ACSF2: variants seen among roughly 807,000 people sequenced by gnomAD.
ACSF2 encodes the protein medium-chain acyl-CoA ligase ACSF2, mitochondrial.
A neutral mutation model predicts 79.3 loss-of-function variants in ACSF2; 52 were observed. The ratio of observed to expected loss-of-function variants is 0.66; its 90% CI spans 0.53 to 0.83. The LOEUF is 0.83. ACSF2 is among the 40% of genes least tolerant of loss of function. ACSF2 has a pLI of 0.00. For missense variants in ACSF2, 661 were observed against 803.3 expected (o/e 0.82, Z 2.14); for synonymous variants, 283 against 312.6 (o/e 0.91, Z 1.00).
intron 1 of ACSF2, among the ~76,000 whole-genome samples, chr17:50,433,130 C>T (rs1347228161): frequency 2.8e-5 from 4 of 142,910 alleles, no homozygotes; most frequent in Non-Finnish European, 4.5e-5. Context: ...TTTTTTGAGA[C>T]GGAGTCTCGC....
intron 1 of ACSF2, among the ~76,000 whole-genome samples, chr17:50,451,277 C>T: frequency 6.6e-6 from 1 of 152,006 alleles, no homozygotes; most frequent in Non-Finnish European, 1.5e-5. Context: ...TTCTTTTGGG[C>T]ATATATTATA....
In ACSF2 at chr17:50,468,580, C is replaced by T. The variant is rs1255867388; in HGVS notation, c.1216-2448C>T. 4.3e-6 allele frequency: 7 copies of T among 1,614,092 alleles called. No homozygotes were observed. In the African/African-American group the frequency reaches 6.7e-5, roughly 15 times the overall value. On this transcript the variant is annotated intron_variant, in intron 10 of 15. Coordinates refer to ENST00000300441, the MANE Select transcript of ACSF2 (RefSeq NM_025149.6). ...TCTGGCAGTGCTGCAGGTGCAATGA[C>T]ACGAGGTTCGGCATGGCCCGGAACG...
rs1024753257 is a variant in ACSF2 at position 50,474,282 on chromosome 17, G to T, written c.1797+15G>T. On this transcript the variant is annotated intron_variant, in intron 15 of 15. Transcript: ENST00000300441. The surrounding 1 kb of genome is among the most constrained non-coding windows in gnomAD (Gnocchi z 4.2). ...TTTCAGGAAAGGTGTGTAAGGTGGA[G>T]GAGGCTGGGGAGGGCAGCCTGGGCT... 1.2e-6 allele frequency: 2 copies of T among 1,614,000 alleles called. No homozygotes were observed. Among genetic ancestry groups the T allele is most frequent in the East Asian group, 4.5e-5 (2 of 44,902 alleles).
intron 1 of ACSF2, among the ~76,000 whole-genome samples, chr17:50,446,214 A>G (rs957329338): frequency 1.3e-5 from 2 of 152,134 alleles, no homozygotes; most frequent in African/African-American, 2.4e-5. Context: ...TTAGTTTATT[A>G]ATTATGACTA....
chr17:50,467,732 G>A (rs926541769), intron 10 of ACSF2: 14 of 299,974 alleles, frequency 4.7e-5, no homozygotes, highest in African/African-American at 3.0e-4. Context: ...AGAGGTGGCT[G>A]CTGCTCACAG....
intron 1 of ACSF2, among the ~76,000 whole-genome samples, chr17:50,453,460 A>G (rs7220508): frequency 0.066 from 10,077 of 151,990 alleles, 1,170 homozygotes; most frequent in African/African-American, 0.23. Context: ...CACCCACCTC[A>G]GCCTCCCAAA....
chr17:50,437,760 C>G (rs1327948810), intron 1 of ACSF2, among the ~76,000 whole-genome samples: 2 of 152,142 alleles, frequency 1.3e-5, no homozygotes, highest in African/African-American at 4.8e-5. Flanking sequence ...ATTGTAGACA[C>G]CCTTAGTAGG....
chr17:50,465,548 T>A, intron 10 of ACSF2: 2 of 1,485,124 alleles, frequency 1.3e-6, no homozygotes, highest in Non-Finnish European at 1.8e-6. Flanking sequence ...AGTCTGAAGC[T>A]GTCATCTTCA....
At chr17:50,428,655 G>A (rs1484052196) in intron 1 of ACSF2, among the ~76,000 whole-genome samples, 1 of 152,020 alleles carries the variant, frequency 6.6e-6, no homozygotes, top group East Asian at 1.9e-4. Flanking sequence ...GGTGGCACAT[G>A]CCTGTAATCC....
intron 1 of ACSF2, among the ~76,000 whole-genome samples, chr17:50,442,760 C>T (rs968147910): frequency 3.9e-5 from 6 of 152,226 alleles, no homozygotes; most frequent in Non-Finnish European, 8.8e-5. Flanking sequence ...GCCATTTTGC[C>T]TGACCATGTC....
intron 1 of ACSF2, 146 bp downstream of exon 1, chr17:50,426,535 T>C: frequency 1.8e-6 from 2 of 1,087,842 alleles, no homozygotes; most frequent in Non-Finnish European, 2.4e-6. Flanking sequence ...CGCCAGCACC[T>C]AGGCAATAGG....
rs114140669 is a variant in ACSF2, at chr17:50,426,887, A to G, written c.128+498A>G. The G allele has an allele frequency of 5.9e-4, 909 of 1,535,602 alleles. 2 individuals are homozygous for G. The African/African-American group carries it at 0.011, about 19-fold the overall frequency. On this transcript the variant is annotated intron_variant, in intron 1 of 15. Coordinates refer to ENST00000300441, the MANE Select transcript of ACSF2 (RefSeq NM_025149.6). ...TTCTTTGCTGCCTACTCCTGGGCCTATTTCCTTCTGTCCTCAGTGCAAGGG... is the reference window on the plus strand; with the variant it reads ...TTCTTTGCTGCCTACTCCTGGGCCTGTTTCCTTCTGTCCTCAGTGCAAGGG...
chr17:50,426,930 A>G (rs995658056), intron 1 of ACSF2: 3 of 1,535,650 alleles, frequency 2.0e-6, no homozygotes, highest in African/African-American at 1.4e-5. Flanking sequence ...GGAAGCTGGC[A>G]GGCAGAGGAT....
rs555695913 is a variant in ACSF2 at position 50,433,131 on chromosome 17, G to A, written c.128+6742G>A. Among the ~76,000 whole-genome samples, 30 of 143,502 alleles carry A rather than the reference G, an allele frequency of 2.1e-4. No homozygotes were observed. The South Asian group carries it at 5.3e-3, about 25-fold the overall frequency. The allele number at this position is 143,502 out of a possible 152,430, so 94.1% of individuals were successfully genotyped here. A position where few individuals can be genotyped will look rare whatever the true frequency, so the allele number is the denominator to read the frequency against. On this transcript the variant is annotated intron_variant, in intron 1 of 15. Coordinates refer to ENST00000300441, the MANE Select transcript of ACSF2 (RefSeq NM_025149.6). Reference sequence around the variant, plus strand: ...TTTTTCTTTTTTTTTTTTTTGAGACGGAGTCTCGCACTATCACCAGGCTGG... The same window carrying A: ...TTTTTCTTTTTTTTTTTTTTGAGACAGAGTCTCGCACTATCACCAGGCTGG...
At chr17:50,452,295 G>GA (rs199669855) in intron 1 of ACSF2, among the ~76,000 whole-genome samples, 12 of 150,252 alleles carry the variant, frequency 8.0e-5, no homozygotes, top group South Asian at 4.2e-4. Context: ...ATGTCGCATT[G>GA]AAAAAAAAAA....
At chr17:50,467,069 T>G (rs1033122770) in intron 10 of ACSF2, among the ~76,000 whole-genome samples, 1 of 152,126 alleles carries the variant, frequency 6.6e-6, no homozygotes, top group Non-Finnish European at 1.5e-5. Flanking sequence ...TCCTCTACCT[T>G]GTTGGTTCCC....
intron 1 of ACSF2, among the ~76,000 whole-genome samples, chr17:50,438,803 G>A (rs2030644441): frequency 6.6e-6 from 1 of 152,060 alleles, no homozygotes; most frequent in South Asian, 2.1e-4. Context: ...CTGATCTCAG[G>A]TGATCCACCT....
chr17:50,461,605 A>G, intron 3 of ACSF2, 28 bp from the exon 4 acceptor site: 1 of 1,613,984 alleles, frequency 6.2e-7, no homozygotes. Context: ...TGCCCAGAAT[A>G]CTGATATGCC....
At chr17:50,432,418 G>T (rs2030008698) in intron 1 of ACSF2, among the ~76,000 whole-genome samples, 1 of 152,212 alleles carries the variant, frequency 6.6e-6, no homozygotes. Context: ...TATAGTAACT[G>T]TGTCTGGGGA....
Sources: gnomAD v4.1 joint callset for allele counts (sites outside exome capture counted in the v4.1 genomes callset) on GRCh38, gnomAD v4.1.1 for gene constraint, Gnocchi (gnomAD v3.1) non-coding constraint, MANE v1.5 for transcripts, NCBI Gene and HGNC (gene_info 2026-07-23, HGNC 2026-07-21) for gene names.